CSMD3: variants seen among roughly 807,000 people sequenced by gnomAD.
CSMD3 encodes the protein CUB and sushi domain-containing protein 3.
CSMD3 carries 177 observed loss-of-function variants against 435.2 expected under a neutral mutation model. That is an observed-to-expected ratio of 0.41 (90% confidence interval 0.36 to 0.46). The LOEUF (loss-of-function observed/expected upper bound fraction) is 0.46, where lower values mean the gene tolerates loss of function less well. Among genes scored for constraint, CSMD3 ranks in the 20% least tolerant of loss-of-function variants. The pLI, the probability that CSMD3 is intolerant of heterozygous loss-of-function variation, is 0.34. For missense variants in CSMD3, 4,265 were observed against 4,504.6 expected, an observed-to-expected ratio of 0.95 and a Z score of 1.52; for synonymous variants, 1,656 against 1,520.5, an observed-to-expected ratio of 1.09 and a Z score of -2.07.
chr8:113,055,189 C>A (rs961200187), intron 5 of CSMD3, among the ~76,000 whole-genome samples: 2 of 152,132 alleles, frequency 1.3e-5, no homozygotes, highest in African/African-American at 4.8e-5. Flanking sequence ...CTCACTCTGT[C>A]GCCCAGGCTG....
At chr8:113,397,106 T>A (rs989288362) in intron 1 of CSMD3, among the ~76,000 whole-genome samples, 1 of 152,180 alleles carries the variant, frequency 6.6e-6, no homozygotes, top group Non-Finnish European at 1.5e-5. Flanking sequence ...CCCTCCAAAA[T>A]GTTAAATTAA....
At chr8:112,864,828 C>T (rs781370704) in intron 10 of CSMD3, among the ~76,000 whole-genome samples, 48 of 152,056 alleles carry the variant, frequency 3.2e-4, no homozygotes, top group South Asian at 2.1e-4. Flanking sequence ...AATAGGTTAG[C>T]TAATATTTAT....
chr8:112,454,384 C>G (rs371198888), intron 32 of CSMD3, among the ~76,000 whole-genome samples: 1 of 152,110 alleles, frequency 6.6e-6, no homozygotes, highest in Non-Finnish European at 1.5e-5. Flanking sequence ...ATCTAACACT[C>G]ATAATCTATA....
intron 1 of CSMD3, among the ~76,000 whole-genome samples, chr8:113,325,598 AG>A (rs113267978): frequency 1.1e-4 from 16 of 152,318 alleles, no homozygotes; most frequent in African/African-American, 3.8e-4. Flanking sequence ...AGACTAATAC[AG>A]CCTTACACTC....
intron 17 of CSMD3, among the ~76,000 whole-genome samples, chr8:112,665,006 T>G (rs931742729): frequency 6.6e-6 from 1 of 152,138 alleles, no homozygotes; most frequent in African/African-American, 2.4e-5. Context: ...AAGTTTAGCT[T>G]AAAACCTCCT....
At chr8:112,804,863 C>T (rs1467048747) in intron 12 of CSMD3, among the ~76,000 whole-genome samples, 1 of 151,920 alleles carries the variant, frequency 6.6e-6, no homozygotes, top group African/African-American at 2.4e-5. Flanking sequence ...CGGGGTTTCA[C>T]CACGTTGACC....
intron 35 of CSMD3, among the ~76,000 whole-genome samples, chr8:112,393,528 T>C (rs941210144): frequency 6.6e-6 from 1 of 152,194 alleles, no homozygotes; most frequent in African/African-American, 2.4e-5. Flanking sequence ...CAGACTCAAG[T>C]CTGAGCAGAC....
intron 10 of CSMD3, among the ~76,000 whole-genome samples, chr8:112,890,186 T>G (rs1282528065): frequency 1.3e-5 from 2 of 151,648 alleles, no homozygotes; most frequent in African/African-American, 4.8e-5. Context: ...GTGACATTCT[T>G]CCCATCAAAA....
chr8:112,343,476 T>C (rs191523374), intron 41 of CSMD3, among the ~76,000 whole-genome samples: 21 of 152,238 alleles, frequency 1.4e-4, no homozygotes, highest in Admixed American at 9.8e-4. Context: ...AACGTTCTGC[T>C]TTCCCAAAAC....
intron 13 of CSMD3, among the ~76,000 whole-genome samples, chr8:112,718,015 G>A (rs544754820): frequency 3.9e-4 from 59 of 152,094 alleles, no homozygotes; most frequent in African/African-American, 1.4e-3. Context: ...GCCACCATGG[G>A]TCACGTATAC....
At chr8:113,229,146 T>A (rs1264460136) in intron 3 of CSMD3, among the ~76,000 whole-genome samples, 1 of 151,646 alleles carries the variant, frequency 6.6e-6, no homozygotes, top group African/African-American at 2.4e-5. Flanking sequence ...TTTTTCTGTT[T>A]CAATAATGTA....
chr8:112,471,991 C>T (rs957857805), intron 32 of CSMD3, among the ~76,000 whole-genome samples: 4 of 152,216 alleles, frequency 2.6e-5, no homozygotes, highest in Non-Finnish European at 2.9e-5. Context: ...ACTTCTAAGA[C>T]GTGTGATCAG....
At position 112,509,186 on chromosome 8, in the gene CSMD3, C is replaced by G. The variant is rs1822840334; in HGVS notation, c.4757-2357G>C. Among the ~76,000 whole-genome samples the G allele has an allele frequency of 2.6e-5, 4 of 151,784 alleles. No individual in the cohort carries two copies. In the South Asian group the frequency reaches 8.3e-4, roughly 32 times the overall value. On this transcript the variant is annotated intron_variant, in intron 28 of 70. Coordinates refer to ENST00000297405, the MANE Select transcript of CSMD3 (RefSeq NM_198123.2). ...CTCACTGCAGCCTTGACCTCCCAGG[C>G]TCAGGTGATCCTCCCACCTCAGCCT...
chr8:112,578,995 T>A (rs1830145721), intron 23 of CSMD3, among the ~76,000 whole-genome samples: 1 of 152,068 alleles, frequency 6.6e-6, no homozygotes, highest in African/African-American at 2.4e-5. Flanking sequence ...TTTTACAGAA[T>A]GCTTTTATTG....
intron 4 of CSMD3, among the ~76,000 whole-genome samples, chr8:113,134,335 A>C (rs577468848): frequency 6.6e-6 from 1 of 152,168 alleles, no homozygotes; most frequent in East Asian, 1.9e-4. Context: ...TTAAAAGGCT[A>C]TGTACCTTAT....
At chr8:113,420,198 A>G (rs2094603081) in intron 1 of CSMD3, among the ~76,000 whole-genome samples, 1 of 152,312 alleles carries the variant, frequency 6.6e-6, no homozygotes, top group East Asian at 1.9e-4. Context: ...TAGTAAATGA[A>G]AAGCCTTGCC....
intron 4 of CSMD3, among the ~76,000 whole-genome samples, chr8:113,170,250 T>TAC (rs974160942): frequency 2.4e-4 from 36 of 151,830 alleles, no homozygotes; most frequent in African/African-American, 8.2e-4. Context: ...GAATGACAAC[T>TAC]ACACACACTG....
chr8:112,666,167 A>G, intron 17 of CSMD3, 110 bp downstream of exon 17: 1 of 868,804 alleles, frequency 1.2e-6, no homozygotes, highest in Admixed American at 2.0e-5. Flanking sequence ...AAAGCACAGC[A>G]ATTGACTATT....
chr8:112,305,982 G>T (rs767960269), intron 51 of CSMD3, 25 bp downstream of exon 51: 1 of 1,591,696 alleles, frequency 6.3e-7, no homozygotes, highest in Admixed American at 1.7e-5. Context: ...AAAAACAAGT[G>T]ATGAAATTCC....
Sources: gnomAD v4.1 joint callset for allele counts (sites outside exome capture counted in the v4.1 genomes callset) on GRCh38, gnomAD v4.1.1 for gene constraint, MANE v1.5 for transcripts, NCBI Gene and HGNC (gene_info 2026-07-23, HGNC 2026-07-21) for gene names.